The following CDKAL1 variants were observed in gnomAD, a reference collection of about 807,000 sequenced individuals.
CDKAL1 encodes threonylcarbamoyladenosine tRNA methylthiotransferase.
Under a neutral mutation model 68.2 loss-of-function variants are expected in CDKAL1, and 32 were observed. The observed-to-expected ratio is 0.47, with a 90% CI of 0.35 to 0.63. The LOEUF is 0.63. CDKAL1 is among the 30% of genes least tolerant of loss of function. CDKAL1 has a pLI of 0.00. For missense variants in CDKAL1, 606 were observed against 696.7 expected (o/e 0.87, Z 1.47); for synonymous variants, 234 against 244.3 (o/e 0.96, Z 0.39).
chr6:21,069,787 T>C (rs1448959150), intron 12 of CDKAL1, among the ~76,000 whole-genome samples: 3 of 69,740 alleles, frequency 4.3e-5, no homozygotes, highest in East Asian at 2.0e-3. Flanking sequence ...TTTTTTTTTT[T>C]TTTTTTTTTT....
rs549118242 is a variant in CDKAL1 at position 21,021,590 on chromosome 6, A to G, written c.1055+21218A>G. 1.2e-4 allele frequency among the ~76,000 whole-genome samples: 19 copies of G among 152,304 alleles called. 1 individual carries two copies. The highest frequency in any genetic ancestry group is 4.6e-4 in the African/African-American group (19 of 41,568). On this transcript the variant is annotated intron_variant, in intron 11 of 15. Transcript: ENST00000274695. ...ACGTACAGTTCAGTGGGCAGAACTCACCCAAAAGATTGAGAAAGCAGAGGG... is the reference window on the plus strand; with the variant it reads ...ACGTACAGTTCAGTGGGCAGAACTCGCCCAAAAGATTGAGAAAGCAGAGGG...
chr6:20,829,958 G>T lies in CDKAL1; in HGVS notation c.639-16117G>T, dbSNP rs187899303. 2.3e-3 allele frequency among the ~76,000 whole-genome samples: 347 copies of T among 152,320 alleles called. 2 individuals carry two copies. Among genetic ancestry groups the T allele is most frequent in the Admixed American group, 6.0e-3 (92 of 15,282 alleles). ...TGTAACCTCCGCCTCCTGGGTTCAG[G>T]CTATTCTTGTGCCTCAGCCTCCTGA... On this transcript the variant is annotated intron_variant, in intron 8 of 15. Transcript: ENST00000274695.
At chr6:21,227,104 A>G (rs1395235576) in intron 15 of CDKAL1, among the ~76,000 whole-genome samples, 2 of 152,222 alleles carry the variant, frequency 1.3e-5, no homozygotes, top group Non-Finnish European at 2.9e-5. Flanking sequence ...GACAATCTTG[A>G]TAAGGTTTTA....
chr6:20,776,010 A>C (rs1223692423), intron 7 of CDKAL1, among the ~76,000 whole-genome samples: 2 of 152,096 alleles, frequency 1.3e-5, no homozygotes, highest in Non-Finnish European at 2.9e-5. Flanking sequence ...AAAAAAAAAA[A>C]CAGACTATTG....
At chr6:20,680,819 A>G (rs1581373909) in intron 5 of CDKAL1, among the ~76,000 whole-genome samples, 1 of 152,178 alleles carries the variant, frequency 6.6e-6, no homozygotes, top group African/African-American at 2.4e-5. Flanking sequence ...TAATCTAACA[A>G]TGATGCTTCT....
At chr6:21,187,423 G>A (rs377052235) in intron 13 of CDKAL1, among the ~76,000 whole-genome samples, 3 of 152,266 alleles carry the variant, frequency 2.0e-5, no homozygotes, top group African/African-American at 7.2e-5. Context: ...TTCTCATTTA[G>A]AAGTTGGGTA....
At chr6:20,933,668 C>T (rs769947848) in intron 9 of CDKAL1, among the ~76,000 whole-genome samples, 1 of 152,166 alleles carries the variant, frequency 6.6e-6, no homozygotes, top group Non-Finnish European at 1.5e-5. Context: ...ATGTTCTAAT[C>T]ACAGATTGCT....
At chr6:20,816,151 A>G (rs1046800310) in intron 8 of CDKAL1, among the ~76,000 whole-genome samples, 76 of 143,508 alleles carry the variant, frequency 5.3e-4, no homozygotes, top group African/African-American at 1.8e-3. Flanking sequence ...TTTAAGGACA[A>G]CAGTCATTGG....
chr6:20,852,313 G>C (rs572768041), intron 9 of CDKAL1, among the ~76,000 whole-genome samples: 4 of 152,278 alleles, frequency 2.6e-5, no homozygotes, highest in South Asian at 2.1e-4. Context: ...AGTATACACT[G>C]TACCAAGAGA....
At chr6:20,838,502 A>T (rs1778048648) in intron 8 of CDKAL1, among the ~76,000 whole-genome samples, 1 of 152,226 alleles carries the variant, frequency 6.6e-6, no homozygotes, top group African/African-American at 2.4e-5. Flanking sequence ...ATAACAACGA[A>T]GGTGGAACAA....
intron 10 of CDKAL1, among the ~76,000 whole-genome samples, chr6:20,972,486 A>G (rs1175190216): frequency 6.6e-6 from 1 of 152,212 alleles, no homozygotes; most frequent in Non-Finnish European, 1.5e-5. Context: ...CAACTTCCCA[A>G]GTCCTTCAGA....
At chr6:20,818,847 A>G (rs1483795925) in intron 8 of CDKAL1, among the ~76,000 whole-genome samples, 2 of 151,884 alleles carry the variant, frequency 1.3e-5, no homozygotes, top group Admixed American at 6.6e-5. Flanking sequence ...AGAGAGGTTC[A>G]TTGTTCACCC....
At chr6:20,590,302 AC>A (rs1765538665) in intron 4 of CDKAL1, among the ~76,000 whole-genome samples, 2 of 152,118 alleles carry the variant, frequency 1.3e-5, no homozygotes, top group African/African-American at 4.8e-5. Context: ...TATGCAAATT[AC>A]CTACTATGCA....
intron 4 of CDKAL1, among the ~76,000 whole-genome samples, chr6:20,627,678 A>G (rs1767492831): frequency 6.6e-6 from 1 of 152,202 alleles, no homozygotes; most frequent in Non-Finnish European, 1.5e-5. Flanking sequence ...ATTTGAGAAG[A>G]ATTGATATCT....
chr6:20,659,697 C>A (rs1258240742), intron 5 of CDKAL1, among the ~76,000 whole-genome samples: 2 of 152,164 alleles, frequency 1.3e-5, no homozygotes, highest in African/African-American at 4.8e-5. Context: ...GCTTCCTTGA[C>A]TTCGCCATTT....
chr6:20,784,327 G>T (rs1352230910), intron 8 of CDKAL1, among the ~76,000 whole-genome samples: 5 of 144,284 alleles, frequency 3.5e-5, no homozygotes, highest in Non-Finnish European at 7.5e-5. Flanking sequence ...TGCCTAAATA[G>T]TTGTTATACT....
At chr6:20,832,072 T>A (rs1273964006) in intron 8 of CDKAL1, among the ~76,000 whole-genome samples, 1 of 152,224 alleles carries the variant, frequency 6.6e-6, no homozygotes, top group Admixed American at 6.5e-5. Flanking sequence ...GTTGATGTTC[T>A]GAGTTGTCTC....
At chr6:21,048,916 GC>G (rs1365418507) in intron 11 of CDKAL1, among the ~76,000 whole-genome samples, 3 of 151,758 alleles carry the variant, frequency 2.0e-5, no homozygotes, top group African/African-American at 7.2e-5. Flanking sequence ...TAATGTGAAA[GC>G]CCTTTCAAAT....
intron 13 of CDKAL1, among the ~76,000 whole-genome samples, chr6:21,163,523 C>T (rs1222371116): frequency 6.6e-6 from 1 of 152,132 alleles, no homozygotes; most frequent in Non-Finnish European, 1.5e-5. Context: ...GTTCCCTCTC[C>T]CTCAAAAGTT....
Sources: allele counts gnomAD v4.1 joint callset (sites outside exome capture counted in the v4.1 genomes callset), GRCh38; gene constraint gnomAD v4.1.1; transcripts MANE v1.5; gene names NCBI Gene and HGNC (gene_info 2026-07-23, HGNC 2026-07-21).